The following LRRC37B variants were observed in gnomAD, a reference collection of about 807,000 sequenced individuals.
LRRC37B encodes leucine-rich repeat-containing protein 37B.
A neutral mutation model predicts 98.3 loss-of-function variants in LRRC37B; 28 were observed. That is an observed-to-expected ratio of 0.28 (90% CI 0.21 to 0.39). The LOEUF (loss-of-function observed/expected upper bound fraction) is 0.39. LRRC37B is among the 10% of genes least tolerant of loss of function. The probability of loss-of-function intolerance (pLI) is 1.00; values close to 1 mark genes in which losing one functional copy is unlikely to be tolerated. For missense variants in LRRC37B, 938 were observed against 1,182.7 expected, an observed-to-expected ratio of 0.79 and a Z score of 3.03; for synonymous variants, 364 against 442.7, an observed-to-expected ratio of 0.82 and a Z score of 2.23.
At chr17:32,022,950 C>T (rs1355051829) in intron 1 of LRRC37B, 125 bp downstream of exon 4, 2 of 888,622 alleles carry the variant, frequency 2.3e-6, no homozygotes, top group Non-Finnish European at 3.6e-6. Context: ...CTGCTTTCAC[C>T]TTTGCCTGTC....
chr17:32,020,728 C>A (rs1209547664), upstream of LRRC37B: 1 of 453,784 alleles, frequency 2.2e-6, no homozygotes, highest in East Asian at 4.9e-5. Context: ...GAAGAGTATT[C>A]TCGGATTTCA....
rs561959635 is a variant in LRRC37B at position 32,035,060 on chromosome 17, AT to A, written c.2129+82del. 3.7e-5 allele frequency: 40 copies of A among 1,080,310 alleles called. No homozygotes were observed. The African/African-American group carries it at 6.0e-4, about 16-fold the overall frequency. The allele number at this position is 1,080,310 out of a possible 1,614,324, so 66.9% of individuals were successfully genotyped here. On this transcript the variant is annotated intron_variant, in intron 6 of 11. Coordinates refer to ENST00000327564, the Ensembl canonical transcript of LRRC37B. ...TGTCATCAAAGATAAAGTATTTTGC[AT>A]TTAGGCTAAAAAGTCATAATTTAAA...
rs1302862943 is a variant in LRRC37B, at chr17:32,049,988, T to C, written c.2758-15T>C. 5.0e-6 allele frequency: 7 copies of C among 1,400,526 alleles called. No individual in the cohort carries two copies. Among genetic ancestry groups the C allele is most frequent in the Admixed American group, 4.6e-5 (2 of 43,688 alleles). 86.8% of individuals were successfully genotyped at this position (1,400,526 alleles called of 1,614,324 possible). On this transcript the variant is annotated splice_polypyrimidine_tract_variant and intron_variant, in intron 10 of 11. Coordinates refer to ENST00000327564, the Ensembl canonical transcript of LRRC37B. ...AATTGTTCTTTCTTTTTTCTTTTTT[T>C]TTTCTTTTTTTTAGCTCATGAAAGA...
chr17:32,024,251 A>G (rs1310416301), intron 1 of LRRC37B, among the ~76,000 whole-genome samples: 4 of 152,100 alleles, frequency 2.6e-5, no homozygotes, highest in African/African-American at 9.7e-5. Context: ...TTGTAATAAG[A>G]GTGGAAAGAA....
chr17:32,017,361 A>C (rs1228290076), upstream of LRRC37B: 1 of 151,908 alleles, frequency 6.6e-6, no homozygotes, highest in Non-Finnish European at 1.5e-5. Flanking sequence ...TCGACCCCCC[A>C]CCTGATGCCT....
At chr17:32,047,775 G>A in exon 9 of LRRC37B, 4 of 1,614,010 alleles carry the variant, frequency 2.5e-6, no homozygotes, top group Non-Finnish European at 3.4e-6. Context: ...AGAAGCATCT[G>A]TAGGGAATCC....
chr17:32,009,692 G>T (rs966154082), intron 1 of LRRC37B, among the ~76,000 whole-genome samples: 4 of 152,016 alleles, frequency 2.6e-5, no homozygotes, highest in Admixed American at 2.0e-4. Flanking sequence ...GAGTGCAGTG[G>T]CATGATCTTG....
rs201573145 is a variant in LRRC37B, at chr17:32,014,701, TATAGATAG to T, written c.-190-3251_-190-3244del. Among the ~76,000 whole-genome samples the T allele has an allele frequency of 7.0e-4, 107 of 152,084 alleles. 1 individual carries two copies. The highest frequency in any genetic ancestry group is 1.3e-3 in the Non-Finnish European group (88 of 67,990). ...TGGTGAGACTTCCAATGTATGTAGA[TATAGATAG>T]ATAGATAGATAGATAGATACATATA... On this transcript the variant is annotated intron_variant, in intron 1 of 14. Transcript: ENST00000543378.
rs201573145 is a variant in LRRC37B at position 32,014,701 on chromosome 17, T to TATAGATAGATAG, written c.-190-3255_-190-3244dup. Among the ~76,000 whole-genome samples, 223 of 152,084 alleles carry TATAGATAGATAG rather than the reference T, an allele frequency of 1.5e-3. 1 individual carries two copies. Among genetic ancestry groups the TATAGATAGATAG allele is most frequent in the African/African-American group, 4.9e-3 (203 of 41,444 alleles). The stretch of plus-strand genomic sequence containing the variant: ...TGGTGAGACTTCCAATGTATGTAGA[T>TATAGATAGATAG]ATAGATAGATAGATAGATAGATAGA... On this transcript the variant is annotated intron_variant, in intron 1 of 14. Transcript: ENST00000543378.
chr17:32,042,517 C>T (rs1444100368), intron 7 of LRRC37B: 1 of 154,936 alleles, frequency 6.5e-6, no homozygotes, highest in Non-Finnish European at 1.4e-5. Flanking sequence ...CTCCTCTAGA[C>T]CACGGCAGGC....
chr17:32,031,064 A>G (rs1322232533), intron 4 of LRRC37B, among the ~76,000 whole-genome samples: 3 of 151,886 alleles, frequency 2.0e-5, no homozygotes, highest in Non-Finnish European at 4.4e-5. Flanking sequence ...CCTGCAGAGT[A>G]TAAGACAAAC....
intron 2 of LRRC37B, among the ~76,000 whole-genome samples, chr17:32,027,372 T>C (rs2142245876): frequency 6.6e-6 from 1 of 151,744 alleles, no homozygotes; most frequent in East Asian, 1.9e-4. Context: ...CTTGTGTGTG[T>C]GCTTGTGTGT....
upstream of LRRC37B, chr17:32,020,785 C>G (rs1910746877): frequency 1.7e-6 from 1 of 584,676 alleles, no homozygotes; most frequent in African/African-American, 1.9e-5. Context: ...ACTAGCACTT[C>G]TGAAGATCCC....
exon 1 of LRRC37B, chr17:32,022,498 T>G (rs1445642914): frequency 1.2e-6 from 2 of 1,613,248 alleles, no homozygotes; most frequent in Admixed American, 3.3e-5. Flanking sequence ...GACCCGGGGC[T>G]TGCCATAACT....
At chr17:32,007,435 A>G (rs573483909), upstream of LRRC37B, among the ~76,000 whole-genome samples, 3 of 152,082 alleles carry the variant, frequency 2.0e-5, no homozygotes, top group South Asian at 6.2e-4. The surrounding 1 kb of genome is among the most constrained non-coding windows in gnomAD (Gnocchi z 4.1). Flanking sequence ...GGCGATCTTG[A>G]GTGGGGCCCC....
At chr17:32,025,800 A>G (rs1052803285) in intron 2 of LRRC37B, among the ~76,000 whole-genome samples, 2 of 152,250 alleles carry the variant, frequency 1.3e-5, no homozygotes, top group African/African-American at 4.8e-5. Context: ...CTATGTAGAT[A>G]TAAAATTTTA....
chr17:32,039,516 ATATATATG>A (rs1289076194), intron 7 of LRRC37B, among the ~76,000 whole-genome samples: 9,653 of 44,292 alleles, frequency 0.22, 1,578 homozygotes, highest in Non-Finnish European at 0.25. Flanking sequence ...ATATATATAT[ATATATATG>A]TATGTATTTT....
chr17:32,007,645 G>A (rs1187327184), upstream of LRRC37B, among the ~76,000 whole-genome samples: 2 of 151,178 alleles, frequency 1.3e-5, no homozygotes, highest in Non-Finnish European at 3.0e-5. This position sits in a 1 kb window ranked among gnomAD's most constrained non-coding sequence, Gnocchi z 4.1. Context: ...AGCAGCCCGC[G>A]GCTCCCGCTG....
intron 2 of LRRC37B, among the ~76,000 whole-genome samples, 181 bp from the exon 6 acceptor site, chr17:32,027,588 G>A (rs1379379709): frequency 6.6e-6 from 1 of 151,952 alleles, no homozygotes; most frequent in Non-Finnish European, 1.5e-5. Context: ...TGTGGTGGTG[G>A]TGGTGGAGAG....
Sources: gnomAD v4.1 joint callset for allele counts (sites outside exome capture counted in the v4.1 genomes callset) on GRCh38, gnomAD v4.1.1 for gene constraint, Gnocchi (gnomAD v3.1) non-coding constraint, MANE v1.5 for transcripts, NCBI Gene and HGNC (gene_info 2026-07-23, HGNC 2026-07-21) for gene names.